The following ENTHD1 variants were observed in gnomAD, a reference collection of about 807,000 sequenced individuals.
The protein encoded by ENTHD1 is ENTH domain-containing protein 1.
A neutral mutation model predicts 39.1 loss-of-function variants in ENTHD1; 23 were observed. That is an observed-to-expected ratio of 0.59 (90% CI 0.42 to 0.83). The LOEUF is 0.83. ENTHD1 is among the 40% of genes least tolerant of loss of function. ENTHD1 has a pLI of 0.00. For synonymous variants in ENTHD1, 230 were observed against 258.2 expected (o/e 0.89, Z 1.05); for missense variants, 624 against 705.4 (o/e 0.88, Z 1.31).
intron 1 of ENTHD1, among the ~76,000 whole-genome samples, chr22:39,890,961 C>A (rs1470627557): frequency 6.6e-6 from 1 of 152,160 alleles, no homozygotes; most frequent in Non-Finnish European, 1.5e-5. Flanking sequence ...GTTTTAGACA[C>A]CTGACTACAT....
intron 5 of ENTHD1, among the ~76,000 whole-genome samples, chr22:39,787,941 T>C (rs2065472959): frequency 6.6e-6 from 1 of 152,192 alleles, no homozygotes; most frequent in African/African-American, 2.4e-5. Context: ...GGAAGCCAAT[T>C]GCTCCTTTCC....
chr22:39,871,159 G>C (rs986586274), intron 2 of ENTHD1, among the ~76,000 whole-genome samples: 5 of 149,822 alleles, frequency 3.3e-5, no homozygotes, highest in Non-Finnish European at 5.9e-5. Context: ...AATGGAGTGA[G>C]AGCCCATCTT....
At chr22:39,817,559 G>T (rs868441693) in intron 5 of ENTHD1, among the ~76,000 whole-genome samples, 12 of 152,192 alleles carry the variant, frequency 7.9e-5, no homozygotes, top group South Asian at 2.1e-4. Context: ...GGTATGGGAG[G>T]TAATCACCAA....
chr22:39,831,651 C>CT (rs886667203), intron 4 of ENTHD1, among the ~76,000 whole-genome samples: 13 of 151,862 alleles, frequency 8.6e-5, no homozygotes, highest in Non-Finnish European at 1.2e-4. Flanking sequence ...ATGGTGAAAC[C>CT]CCATCTCTAC....
At chr22:39,776,630 C>T (rs2065367416) in intron 5 of ENTHD1, among the ~76,000 whole-genome samples, 1 of 152,164 alleles carries the variant, frequency 6.6e-6, no homozygotes, top group African/African-American at 2.4e-5. Context: ...TGTAAGACAT[C>T]AGGCTGCAAA....
intron 6 of ENTHD1, among the ~76,000 whole-genome samples, chr22:39,756,388 G>A (rs2065186309): frequency 6.6e-6 from 1 of 151,800 alleles, no homozygotes; most frequent in Non-Finnish European, 1.5e-5. Context: ...AGGATGGAGT[G>A]TAGTGGCGTG....
chr22:39,854,704 GA>G (rs796335685), intron 3 of ENTHD1, among the ~76,000 whole-genome samples: 77 of 141,036 alleles, frequency 5.5e-4, no homozygotes, highest in East Asian at 1.0e-3. Flanking sequence ...TCCAAGAAAA[GA>G]AAAAAAAAAA....
intron 5 of ENTHD1, among the ~76,000 whole-genome samples, chr22:39,792,422 G>A (rs7289377): frequency 4.6e-5 from 7 of 151,978 alleles, no homozygotes; most frequent in Non-Finnish European, 7.4e-5. Flanking sequence ...TTGTTACCTC[G>A]CATTTTAGTT....
At chr22:39,787,254 C>T (rs1260325108) in intron 5 of ENTHD1, among the ~76,000 whole-genome samples, 1 of 152,144 alleles carries the variant, frequency 6.6e-6, no homozygotes, top group Non-Finnish European at 1.5e-5. Flanking sequence ...GACCAGCCAT[C>T]CCTCATCTCT....
intron 1 of ENTHD1, among the ~76,000 whole-genome samples, chr22:39,891,204 C>A (rs1184763833): frequency 6.6e-6 from 1 of 152,142 alleles, no homozygotes; most frequent in African/African-American, 2.4e-5. Context: ...CTTAGGTCTC[C>A]CCAGAACCTG....
intron 2 of ENTHD1, among the ~76,000 whole-genome samples, chr22:39,877,889 T>A (rs2066304685): frequency 6.6e-6 from 1 of 152,122 alleles, no homozygotes; most frequent in African/African-American, 2.4e-5. Context: ...CTGTATCTCA[T>A]GCCCAGCTAT....
At chr22:39,785,258 C>T (rs781236790) in intron 5 of ENTHD1, among the ~76,000 whole-genome samples, 3 of 152,222 alleles carry the variant, frequency 2.0e-5, no homozygotes, top group Non-Finnish European at 4.4e-5. Context: ...TTCCAGCCCT[C>T]CTCAAGTCTG....
chr22:39,847,566 T>TAA lies in ENTHD1; in HGVS notation c.593-11610_593-11609dup, dbSNP rs58935186. Among the ~76,000 whole-genome samples, 952 of 144,890 alleles carry TAA rather than the reference T, an allele frequency of 6.6e-3. 13 individuals are homozygous for TAA. The highest frequency in any genetic ancestry group is 0.023 in the African/African-American group (913 of 39,874). On this transcript the variant is annotated intron_variant, in intron 3 of 6. Transcript: ENST00000325157. ...AATAAAGTCAGCTGATTAGCAAACT[T>TAA]AAAAAAAAAAAGACAGGGTCTTGCT...
At chr22:39,870,740 C>G (rs533010332) in intron 2 of ENTHD1, among the ~76,000 whole-genome samples, 2 of 152,100 alleles carry the variant, frequency 1.3e-5, no homozygotes, top group Admixed American at 1.3e-4. Context: ...AACTGAGATA[C>G]AAATAAAGTA....
chr22:39,861,338 G>A (rs1038199995), intron 3 of ENTHD1, among the ~76,000 whole-genome samples: 3 of 152,124 alleles, frequency 2.0e-5, no homozygotes, highest in East Asian at 1.9e-4. Flanking sequence ...TCATGAGTTC[G>A]AGACCAGCCT....
intron 4 of ENTHD1, among the ~76,000 whole-genome samples, chr22:39,831,845 AC>A (rs2146669525): frequency 6.6e-6 from 1 of 152,272 alleles, no homozygotes; most frequent in East Asian, 1.9e-4. Context: ...AAACAAACAA[AC>A]AAAATATATA....
At position 39,763,723 on chromosome 22, in the gene ENTHD1, T is replaced by C. The variant is rs551023097; in HGVS notation, c.1219+1500A>G. Among the ~76,000 whole-genome samples the C allele has an allele frequency of 3.9e-5, 6 of 152,292 alleles. 1 individual carries two copies. In the South Asian group the frequency reaches 1.2e-3, roughly 32 times the overall value. ...TGGTAGTAGAATTAGATCAATACTA[T>C]CTATTATAAGCAGACAAAAAAGTTC... On this transcript the variant is annotated intron_variant, in intron 6 of 6. Coordinates refer to ENST00000325157, the MANE Select transcript of ENTHD1 (RefSeq NM_152512.4).
rs189455699 is a variant in ENTHD1, at chr22:39,750,527, A to C, written c.1220-6244T>G. On this transcript the variant is annotated intron_variant, in intron 6 of 6. Transcript: ENST00000325157. ...ATTAAAAAAAAAATAGGTGCCCTTG[A>C]AGATGAGCTAACTTTTCTTCACTCT... is the stretch of plus-strand genomic sequence containing the variant. 17 of 153,794 alleles carry C rather than the reference A, an allele frequency of 1.1e-4. No homozygotes were observed. The East Asian group carries it at 3.3e-3, about 30-fold the overall frequency. The allele number at this position is 153,794 out of a possible 1,614,324, so 9.5% of individuals were successfully genotyped here.
intron 5 of ENTHD1, among the ~76,000 whole-genome samples, chr22:39,811,114 C>T (rs916108346): frequency 6.6e-6 from 1 of 152,206 alleles, no homozygotes; most frequent in Non-Finnish European, 1.5e-5. Flanking sequence ...ACATCTGTGA[C>T]GTTTTTAGAG....
Sources: gnomAD v4.1 joint callset for allele counts (sites outside exome capture counted in the v4.1 genomes callset) on GRCh38, gnomAD v4.1.1 for gene constraint, MANE v1.5 for transcripts, NCBI Gene and HGNC (gene_info 2026-07-23, HGNC 2026-07-21) for gene names.